ACOT12: variants seen among roughly 807,000 people sequenced by gnomAD.
The protein encoded by ACOT12 is acyl-CoA thioesterase 12.
Under a neutral mutation model 67.7 loss-of-function variants are expected in ACOT12, and 51 were observed. The observed-to-expected ratio is 0.75, with a 90% confidence interval of 0.60 to 0.95. The LOEUF (loss-of-function observed/expected upper bound fraction) is 0.95, where lower values mean the gene tolerates loss of function less well. ACOT12 is among the 40% of genes least tolerant of loss of function. ACOT12 has a pLI of 0.00. For missense variants in ACOT12, 734 were observed against 708.1 expected, an observed-to-expected ratio of 1.04 and a Z score of -0.41; for synonymous variants, 251 against 244.6, an observed-to-expected ratio of 1.03 and a Z score of -0.24.
rs146934658 is a variant in ACOT12, at chr5:81,364,055, C to A, written c.259-166G>T. ...ATTATTTCAATGATGTTCTATAACA[C>A]TGGACAATTAGCTTTTTTCTGATTA... On this transcript the variant is annotated intron_variant, in intron 3 of 14. Transcript: ENST00000307624. Among the ~76,000 whole-genome samples, 17 of 152,148 alleles carry A rather than the reference C, an allele frequency of 1.1e-4. No homozygotes were observed. The East Asian group carries it at 3.3e-3, about 29-fold the overall frequency.
intron 14 of ACOT12, 35 bp downstream of exon 14, chr5:81,330,779 A>G: frequency 6.2e-7 from 1 of 1,603,120 alleles, no homozygotes; most frequent in Non-Finnish European, 8.5e-7. Context: ...TATCTGGCAG[A>G]GCCAATTAAT....
At chr5:81,366,340 T>C (rs1760077175) in intron 3 of ACOT12, among the ~76,000 whole-genome samples, 1 of 151,938 alleles carries the variant, frequency 6.6e-6, no homozygotes, top group Admixed American at 6.6e-5. Flanking sequence ...TGCAAGAAAA[T>C]TATTAGGTGA....
At chr5:81,390,686 T>C (rs1318729384) in intron 1 of ACOT12, among the ~76,000 whole-genome samples, 2 of 148,032 alleles carry the variant, frequency 1.4e-5, no homozygotes, top group East Asian at 4.0e-4. Flanking sequence ...GTATTTTTAG[T>C]AGACAGGGTT....
chr5:81,350,944 G>C lies in ACOT12; in HGVS notation c.497-3014C>G, dbSNP rs545554874. Among the ~76,000 whole-genome samples, 297 of 152,332 alleles carry C rather than the reference G, an allele frequency of 1.9e-3. 2 individuals are homozygous for C. Among genetic ancestry groups the C allele is most frequent in the Non-Finnish European group, 3.7e-3 (249 of 68,024 alleles). On this transcript the variant is annotated intron_variant, in intron 5 of 14. Transcript: ENST00000307624. ...CTCCTGAGCCCAAGCAGGCCCACCTGCTGGGTCCTCCAGGACAAATGCCAG... is the reference window on the plus strand; with the variant it reads ...CTCCTGAGCCCAAGCAGGCCCACCTCCTGGGTCCTCCAGGACAAATGCCAG...
chr5:81,336,160 T>C (rs181986780), intron 11 of ACOT12, among the ~76,000 whole-genome samples: 9 of 152,292 alleles, frequency 5.9e-5, no homozygotes, highest in Non-Finnish European at 7.4e-5. Flanking sequence ...CAGTTTTTTT[T>C]TTTCTCATGA....
rs1760466787 is a variant in ACOT12 at position 81,377,879 on chromosome 5, A to G, written c.198-6069T>C. 2.6e-5 allele frequency among the ~76,000 whole-genome samples: 4 copies of G among 152,218 alleles called. No individual in the cohort carries two copies. In the South Asian group the frequency reaches 8.3e-4, roughly 32 times the overall value. ...AAAATATTCCCTGCTCATGGATAGG[A>G]AGAATCAGTATCATGAAAATGGCCA... On this transcript the variant is annotated intron_variant, in intron 2 of 14. Coordinates refer to ENST00000307624, the MANE Select transcript of ACOT12 (RefSeq NM_130767.3).
intron 7 of ACOT12, 150 bp downstream of exon 7, chr5:81,345,735 G>T: frequency 1.9e-6 from 2 of 1,048,486 alleles, no homozygotes; most frequent in East Asian, 3.0e-5. Context: ...GCAGAACAAA[G>T]GGTTAAAAAT....
chr5:81,327,044 G>T (rs1758689036), downstream of ACOT12, among the ~76,000 whole-genome samples: 1 of 151,598 alleles, frequency 6.6e-6, no homozygotes, highest in South Asian at 2.1e-4. Context: ...AAATATGATA[G>T]TATCAACATA....
At chr5:81,317,501 C>CA in the ACOT12 span, among the ~76,000 whole-genome samples, 3,615 of 108,990 alleles carry the variant, frequency 0.033, 153 homozygotes, top group Admixed American at 0.14. Flanking sequence ...GACTCCATCC[C>CA]AAAAAAAAAA....
At chr5:81,380,649 A>C (rs1393872115) in intron 2 of ACOT12, among the ~76,000 whole-genome samples, 1 of 152,182 alleles carries the variant, frequency 6.6e-6, no homozygotes, top group African/African-American at 2.4e-5. Flanking sequence ...CAAGACTACA[A>C]ATTGAAATAT....
At chr5:81,348,074 A>G in intron 5 of ACOT12, 144 bp from the exon 6 acceptor site, 1 of 837,214 alleles carries the variant, frequency 1.2e-6, no homozygotes, top group Non-Finnish European at 1.8e-6. Flanking sequence ...GAAAATTGAC[A>G]GGTTCTACAG....
rs373564397 is a variant in ACOT12 at position 81,371,784 on chromosome 5, G to T, written c.224C>A (p.Ala75Glu). ...TGTGCTGAATGCTCTAGTAACTTTT[G>T]CTTTGATGGTTATAACTTGTCCAAC... Reference protein sequence around the residue: ...ARVGQVITIKAKVTRAFSTSM... With the variant: ...ARVGQVITIKEKVTRAFSTSM... Residue 75 changes from alanine (A) to glutamate (E), a missense_variant, in exon 3 of 15, where the codon GCA becomes GAA. Ala to Glu is a moderately radical substitution (Grantham distance 107). Coordinates refer to ENST00000307624, the MANE Select transcript of ACOT12 (RefSeq NM_130767.3). 1.9e-5 allele frequency: 30 copies of T among 1,613,964 alleles called. No homozygotes were observed. Among genetic ancestry groups the T allele is most frequent in the Non-Finnish European group, 2.5e-5 (30 of 1,180,018 alleles).
At chr5:81,385,701 G>T in intron 2 of ACOT12, 56 bp downstream of exon 2, 1 of 1,536,394 alleles carries the variant, frequency 6.5e-7, no homozygotes, top group Non-Finnish European at 9.0e-7. Context: ...ACCAATACAT[G>T]TCCCAGATGA....
At chr5:81,366,374 G>C (rs1434753013) in intron 3 of ACOT12, among the ~76,000 whole-genome samples, 1 of 152,068 alleles carries the variant, frequency 6.6e-6, no homozygotes, top group Non-Finnish European at 1.5e-5. Flanking sequence ...TAAAACAACA[G>C]ATAACAGAAA....
the ACOT12 span, among the ~76,000 whole-genome samples, chr5:81,323,083 G>GAAA: frequency 9.6e-6 from 1 of 104,070 alleles, no homozygotes; most frequent in Non-Finnish European, 2.1e-5. Flanking sequence ...ATAGCAAAAA[G>GAAA]AAAAAAAAAA....
chr5:81,388,633 C>T (rs1170173111), intron 1 of ACOT12, among the ~76,000 whole-genome samples: 2 of 152,176 alleles, frequency 1.3e-5, no homozygotes, highest in African/African-American at 2.4e-5. Flanking sequence ...GCGTAAGGTG[C>T]TGGCAATGGG....
At position 81,342,700 on chromosome 5, in the gene ACOT12, C is replaced by A; in HGVS notation, c.1100G>T (p.Gly367Val). The stretch of plus-strand genomic sequence containing the variant: ...TTCCACAGTGCTGGTAACCTCCCAA[C>A]CCCTTTTGGCTGCCAGTTTTTTGAG... ...EALKKLAAKR[G>V]WEVTSTVEKI... Residue 367 changes from glycine (G) to valine (V), a missense_variant, in exon 11 of 15, where the codon GGT becomes GTT. Transcript: ENST00000307624. 1 of 1,614,188 alleles carries A rather than the reference C, an allele frequency of 6.2e-7. No individual in the cohort carries two copies. The highest frequency in any genetic ancestry group is 1.1e-5 in the South Asian group (1 of 91,086).
chr5:81,370,461 A>C (rs1760215488), intron 3 of ACOT12, among the ~76,000 whole-genome samples: 1 of 152,226 alleles, frequency 6.6e-6, no homozygotes, highest in Non-Finnish European at 1.5e-5. Context: ...GTAATTAGTT[A>C]AGATGAGGCC....
At chr5:81,357,787 C>T (rs1020221984) in intron 5 of ACOT12, among the ~76,000 whole-genome samples, 1 of 152,084 alleles carries the variant, frequency 6.6e-6, no homozygotes, top group Non-Finnish European at 1.5e-5. Flanking sequence ...GGGCGGATCA[C>T]CTGAGGTCAG....
Sources: allele counts gnomAD v4.1 joint callset (sites outside exome capture counted in the v4.1 genomes callset), GRCh38; gene constraint gnomAD v4.1.1; transcripts MANE v1.5; gene names NCBI Gene and HGNC (gene_info 2026-07-23, HGNC 2026-07-21).